ITPR1: variants seen among roughly 807,000 people sequenced by gnomAD.
The protein encoded by ITPR1 is inositol 1,4,5-trisphosphate receptor type 1, also known as inositol 1,4,5-trisphosphate-gated calcium channel ITPR1.
ITPR1 carries 96 observed loss-of-function variants against 318.4 expected under a neutral mutation model. The ratio of observed to expected loss-of-function variants is 0.30; its 90% CI spans 0.26 to 0.36. The LOEUF (loss-of-function observed/expected upper bound fraction) is 0.36, where lower values mean the gene tolerates loss of function less well. Among genes scored for constraint, ITPR1 ranks in the 10% least tolerant of loss-of-function variants. The pLI is 1.00. For missense variants in ITPR1, 2,440 were observed against 3,460.2 expected (o/e 0.71, Z 7.40); for synonymous variants, 1,312 against 1,289.9 (o/e 1.02, Z -0.37).
At chr3:4,807,718 G>C (rs751803583) in intron 55 of ITPR1, among the ~76,000 whole-genome samples, 16 of 152,234 alleles carry the variant, frequency 1.1e-4, no homozygotes, top group Non-Finnish European at 1.8e-4. Flanking sequence ...GCTATATTTT[G>C]AGGTTTTAGG....
At position 4,758,221 on chromosome 3, in the gene ITPR1, C is replaced by G. The variant is rs540993421; in HGVS notation, c.5545-8309C>G. On this transcript the variant is annotated intron_variant, in intron 44 of 61. Coordinates refer to ENST00000649015, the MANE Select transcript of ITPR1 (RefSeq NM_001378452.1). ...TGGAAAATCCCATTCTCTGGATTCT[C>G]TCAAGGCCCAGAGCGAGGGCTTCTG... Among the ~76,000 whole-genome samples the G allele has an allele frequency of 2.6e-5, 4 of 152,282 alleles. No individual in the cohort carries two copies. The South Asian group carries it at 8.3e-4, about 32-fold the overall frequency.
intron 35 of ITPR1, among the ~76,000 whole-genome samples, chr3:4,701,431 C>T (rs939281528): frequency 1.3e-5 from 2 of 152,216 alleles, no homozygotes. Flanking sequence ...CAAGCAGCCA[C>T]AAAACTCAGG....
chr3:4,811,549 C>T (rs2048940826), intron 56 of ITPR1, 89 bp downstream of exon 56: 1 of 1,005,140 alleles, frequency 9.9e-7, no homozygotes, highest in Admixed American at 2.1e-5. Context: ...TTTAGTAATG[C>T]AGATATCTCC....
At chr3:4,733,532 G>T (rs1490794385) in intron 43 of ITPR1, among the ~76,000 whole-genome samples, 1 of 152,076 alleles carries the variant, frequency 6.6e-6, no homozygotes, top group African/African-American at 2.4e-5. Flanking sequence ...GTGGTTGTTA[G>T]GACTCTTGTC....
Position 4,717,382 on chromosome 3 carries a change from G to A in ITPR1, c.5119G>A (p.Glu1707Lys), listed in dbSNP as rs2041848605. ...GYGEKLISID[E>K]LDNAELPPAP... ...TCTTTTCCAGCTAATTTCCATTGAT[G>A]AATTGGATAATGCTGAGGTCCTAAT... is the stretch of plus-strand genomic sequence containing the variant. The change falls in exon 40 of 62, where the codon GAA (glutamate) becomes AAA (lysine). Residue 1707 changes from glutamate (E) to lysine (K), a missense_variant. Physicochemically the swap from Glu to Lys is moderately conservative, Grantham distance 56 (BLOSUM62 1). Transcript: ENST00000649015. 2 of 1,596,336 alleles carry A rather than the reference G, an allele frequency of 1.3e-6. No individual in the cohort carries two copies. The highest frequency in any genetic ancestry group is 8.5e-7 in the Non-Finnish European group (1 of 1,177,278).
intron 51 of ITPR1, among the ~76,000 whole-genome samples, chr3:4,785,539 T>C (rs564605004): frequency 6.7e-6 from 1 of 148,916 alleles, no homozygotes; most frequent in African/African-American, 2.5e-5. Flanking sequence ...TTTCACTGAT[T>C]AGCCAACCAT....
At chr3:4,503,804 G>C (rs1197722521) in intron 2 of ITPR1, among the ~76,000 whole-genome samples, 1 of 152,178 alleles carries the variant, frequency 6.6e-6, no homozygotes, top group Non-Finnish European at 1.5e-5. Context: ...GTCTCTCTCT[G>C]AGGATATTGA....
At chr3:4,622,833 T>C (rs1026237400) in intron 4 of ITPR1, among the ~76,000 whole-genome samples, 6 of 152,232 alleles carry the variant, frequency 3.9e-5, no homozygotes, top group Non-Finnish European at 8.8e-5. Flanking sequence ...GTAGCACATT[T>C]AAATCATTAA....
chr3:4,776,101 C>T lies in ITPR1; in HGVS notation c.6180+659C>T, dbSNP rs574624666. ...TGTTTTGTTTGTTTGTTTTTGGAGA[C>T]GGAGTCTCACTCTGTTGCCCAGGCT... On this transcript the variant is annotated intron_variant, in intron 47 of 61. Transcript: ENST00000649015. Among the ~76,000 whole-genome samples, 12 of 152,274 alleles carry T rather than the reference C, an allele frequency of 7.9e-5. No homozygotes were observed. In the South Asian group the frequency reaches 1.7e-3, roughly 21 times the overall value.
chr3:4,559,153 C>G (rs149360970), intron 4 of ITPR1, among the ~76,000 whole-genome samples: 110 of 126,844 alleles, frequency 8.7e-4, no homozygotes, highest in Middle Eastern at 3.7e-3. Context: ...CTGTGCCCAC[C>G]TGAAAAAGTT....
intron 4 of ITPR1, among the ~76,000 whole-genome samples, chr3:4,587,338 A>T (rs1021672316): frequency 6.7e-6 from 1 of 149,534 alleles, no homozygotes; most frequent in African/African-American, 2.5e-5. Context: ...CAGTGGGGCA[A>T]TCTTGGCTTA....
At position 4,800,658 on chromosome 3, in the gene ITPR1, G is replaced by A. The variant is rs1335146662; in HGVS notation, c.7107+58G>A. 23 of 1,537,338 alleles carry A rather than the reference G, an allele frequency of 1.5e-5. No individual in the cohort carries two copies. In the Admixed American group the frequency reaches 3.9e-4, roughly 26 times the overall value. ...GTTTGCAGATTAATAGGAATGCCTT[G>A]CACTCTGGTTTCTAGAATCCTGGCC... On this transcript the variant is annotated intron_variant, in intron 54 of 61. Transcript: ENST00000649015.
intron 33 of ITPR1, among the ~76,000 whole-genome samples, chr3:4,695,012 T>C (rs534082775): frequency 6.6e-6 from 1 of 152,366 alleles, no homozygotes; most frequent in Non-Finnish European, 1.5e-5. Context: ...AGGTATACTA[T>C]TCTGTACCTT....
Position 4,706,102 on chromosome 3 carries a change from A to G in ITPR1, c.4658-65A>G, listed in dbSNP as rs2094750472. ...CCTGCTGGATGGGGACTAGGGCATT[A>G]CGTCCATCTGTAGGGTGTCCCCCAT... On this transcript the variant is annotated intron_variant, in intron 36 of 61. Transcript: ENST00000649015. The G allele has an allele frequency of 1.9e-6, 3 of 1,563,830 alleles. No individual in the cohort carries two copies. In the African/African-American group the frequency reaches 4.1e-5, roughly 21 times the overall value.
intron 5 of ITPR1, among the ~76,000 whole-genome samples, chr3:4,633,495 C>A (rs1042900752): frequency 3.9e-5 from 6 of 152,150 alleles, no homozygotes; most frequent in African/African-American, 1.2e-4. Flanking sequence ...TAAATTAATG[C>A]CATTTAAGGA....
At chr3:4,759,752 A>G (rs1184613689) in intron 44 of ITPR1, among the ~76,000 whole-genome samples, 1 of 152,312 alleles carries the variant, frequency 6.6e-6, no homozygotes, top group East Asian at 1.9e-4. Flanking sequence ...CTGCTGAAAA[A>G]GGCATTTGGA....
intron 4 of ITPR1, among the ~76,000 whole-genome samples, chr3:4,575,821 G>A (rs1442335999): frequency 6.6e-6 from 1 of 151,896 alleles, no homozygotes; most frequent in African/African-American, 2.4e-5. Context: ...AGGAGTTCAA[G>A]ACAAGCCTGG....
intron 4 of ITPR1, among the ~76,000 whole-genome samples, chr3:4,600,245 T>C (rs1178987172): frequency 6.6e-6 from 1 of 152,240 alleles, no homozygotes; most frequent in Non-Finnish European, 1.5e-5. Flanking sequence ...TTTTTGGACA[T>C]GCTGGCCCCC....
chr3:4,570,730 C>A (rs1294039502), intron 4 of ITPR1, among the ~76,000 whole-genome samples: 4 of 152,198 alleles, frequency 2.6e-5, no homozygotes, highest in Admixed American at 2.0e-4. Context: ...TACTTACCGT[C>A]CATATTTGGC....
Sources: allele counts gnomAD v4.1 joint callset (sites outside exome capture counted in the v4.1 genomes callset), GRCh38; gene constraint gnomAD v4.1.1; transcripts MANE v1.5; gene names NCBI Gene and HGNC (gene_info 2026-07-23, HGNC 2026-07-21).